The following HSP90AA1 variants were observed in gnomAD, a reference collection of about 807,000 sequenced individuals.
The protein encoded by HSP90AA1 is heat shock protein 90 alpha family class A member 1.
Under a neutral mutation model 73.3 loss-of-function variants are expected in HSP90AA1, and 18 were observed. That is an observed-to-expected ratio of 0.25 (90% confidence interval 0.17 to 0.36). HSP90AA1 has a LOEUF of 0.36. Among genes scored for constraint, HSP90AA1 ranks in the 10% least tolerant of loss-of-function variants. HSP90AA1 has a pLI of 1.00. For missense variants in HSP90AA1, 704 were observed against 874.2 expected, an observed-to-expected ratio of 0.81 and a Z score of 2.45; for synonymous variants, 477 against 296.9, an observed-to-expected ratio of 1.61 and a Z score of -6.24.
chr14:102,104,925 G>T (rs189239485), intron 1 of HSP90AA1, among the ~76,000 whole-genome samples: 1 of 151,364 alleles, frequency 6.6e-6, no homozygotes, highest in Non-Finnish European at 1.5e-5. Flanking sequence ...TTGGCTTGGC[G>T]CAGTGGCTCA....
intron 9 of HSP90AA1, 125 bp downstream of exon 9, chr14:102,082,909 G>GCGC: frequency 9.9e-7 from 1 of 1,010,864 alleles, no homozygotes; most frequent in South Asian, 1.3e-5. Context: ...GTGAGCCACC[G>GCGC]CGCCCAGCCA....
At chr14:102,089,912 C>T (rs2049331080), upstream of HSP90AA1, among the ~76,000 whole-genome samples, 1 of 152,226 alleles carries the variant, frequency 6.6e-6, no homozygotes, top group Non-Finnish European at 1.5e-5. Context: ...CACCTAACTG[C>T]TCCCTGCATA....
chr14:102,112,367 G>A lies in HSP90AA1; in HGVS notation c.156-10282C>T, dbSNP rs2152622101. Among the ~76,000 whole-genome samples, 2 of 152,148 alleles carry A rather than the reference G, an allele frequency of 1.3e-5. 1 individual carries two copies. Among genetic ancestry groups the A allele is most frequent in the African/African-American group, 4.8e-5 (2 of 41,508 alleles). Reference sequence around the variant, plus strand: ...TTTGTTGTATTTTTAGTAGAGATGGGGTTTCACCATGTTGACCAGGATGGT... The same window carrying A: ...TTTGTTGTATTTTTAGTAGAGATGGAGTTTCACCATGTTGACCAGGATGGT... On this transcript the variant is annotated intron_variant, in intron 1 of 11. Coordinates refer to the HSP90AA1 transcript ENST00000334701.
chr14:102,137,292 A>T (rs1404471397), intron 1 of HSP90AA1, among the ~76,000 whole-genome samples: 2 of 151,838 alleles, frequency 1.3e-5, no homozygotes, highest in Admixed American at 6.6e-5. Flanking sequence ...AATCAGAAAT[A>T]AAATTAGGTC....
chr14:102,086,854 C>G (rs1354832546), intron 1 of HSP90AA1, 132 bp downstream of exon 1: 3 of 411,746 alleles, frequency 7.3e-6, no homozygotes, highest in Non-Finnish European at 9.8e-6. Flanking sequence ...GAATAGAAAG[C>G]GCGGCCGCCC....
chr14:102,082,153 T>C lies in HSP90AA1; in HGVS notation c.2047A>G (p.Thr683Ala). ...ATCCTGTAGATCCTGTTAGCATGTG[T>C]CTGGGGATCTTCCAGACTGAAGCCA... ...SSGFSLEDPQ[T>A]HANRIYRMIK... is the part of the protein sequence containing the mutation. Residue 683 changes from threonine to alanine, a missense_variant, in exon 10 of 11, where the codon ACA becomes GCA. Coordinates refer to ENST00000216281, the MANE Select transcript of HSP90AA1 (RefSeq NM_005348.4). 1 of 1,613,892 alleles carries C rather than the reference T, an allele frequency of 6.2e-7. No individual in the cohort carries two copies. Among genetic ancestry groups the C allele is most frequent in the Non-Finnish European group, 8.5e-7 (1 of 1,179,776 alleles).
upstream of HSP90AA1, chr14:102,087,309 C>T: frequency 2.9e-6 from 1 of 343,656 alleles, no homozygotes; most frequent in Non-Finnish European, 4.1e-6. Flanking sequence ...CCTCAATGCG[C>T]CTGCGCGGCC....
intron 1 of HSP90AA1, among the ~76,000 whole-genome samples, chr14:102,120,085 T>C (rs1278946065): frequency 7.2e-5 from 11 of 152,150 alleles, no homozygotes; most frequent in Admixed American, 7.2e-4. Flanking sequence ...GAATACAGAC[T>C]GGGTGTGGTG....
At chr14:102,135,409 AAAC>A (rs2049976657) in intron 1 of HSP90AA1, among the ~76,000 whole-genome samples, 1 of 152,268 alleles carries the variant, frequency 6.6e-6, no homozygotes, top group Non-Finnish European at 1.5e-5. Context: ...ACCTTGAGCT[AAAC>A]ACAGGGTGCT....
intron 2 of HSP90AA1, among the ~76,000 whole-genome samples, chr14:102,099,190 C>T (rs1394791647): frequency 6.6e-6 from 1 of 152,224 alleles, no homozygotes; most frequent in Non-Finnish European, 1.5e-5. Flanking sequence ...TGTATTATTC[C>T]AAGCAGCACT....
chr14:102,113,609 G>C (rs1187515777), intron 1 of HSP90AA1, among the ~76,000 whole-genome samples: 2 of 151,922 alleles, frequency 1.3e-5, no homozygotes, highest in African/African-American at 4.8e-5. Flanking sequence ...TGGAACTCCT[G>C]ACCTCAAGTG....
In HSP90AA1 at chr14:102,081,718, TA is replaced by T; in HGVS notation, c.2192del (p.Val731GlufsTer48). The T allele has an allele frequency of 7.0e-7, 1 of 1,424,500 alleles. No individual in the cohort carries two copies. Among genetic ancestry groups the T allele is most frequent in the Non-Finnish European group, 9.9e-7 (1 of 1,006,808 alleles). 88.2% of individuals were successfully genotyped at this position (1,424,500 alleles called of 1,614,324 possible). A position where few individuals can be genotyped will look rare whatever the true frequency, so the allele number is the denominator to read the frequency against. Reference sequence around the variant, plus strand: ...GTCATCCCTCAGCCAGAGATTAGTCTACTTCTTCCATGCGTGATGTGTCGTC... The same window carrying T: ...GTCATCCCTCAGCCAGAGATTAGTCTCTTCTTCCATGCGTGATGTGTCGTC... ...GDDDTSRMEE[V>X]D On this transcript the variant is annotated frameshift_variant, in exon 11 of 11. Transcript: ENST00000216281. LOFTEE classifies it high-confidence loss of function.
chr14:102,084,741 C>G lies in HSP90AA1; in HGVS notation c.921G>C (p.Glu307Asp), dbSNP rs144736763. 1.2e-6 allele frequency: 2 copies of G among 1,614,162 alleles called. No individual in the cohort carries two copies. The highest frequency in any genetic ancestry group is 1.7e-6 in the Non-Finnish European group (2 of 1,180,036). ...WTRNPDDITN[E>D]EYGEFYKSLT... is the part of the protein sequence containing the mutation. ...AGCTCTTATAGAATTCTCCGTACTC[C>G]TCATTAGTAATATCGTCGGGATTTC... is the stretch of plus-strand genomic sequence containing the variant. The change falls in exon 5 of 11, where the codon GAG becomes GAC. Residue 307 changes from glutamate to aspartate, a missense_variant. By Grantham distance (45) the Glu-to-Asp change is conservative (BLOSUM62 2). Transcript: ENST00000216281.
chr14:102,139,609 G>A, exon 1 of HSP90AA1: 3 of 665,222 alleles, frequency 4.5e-6, no homozygotes, highest in Non-Finnish European at 7.5e-6. Flanking sequence ...CCTGGCGGCT[G>A]CGGAACGGTC....
At chr14:102,086,739 G>A (rs1423060330) in intron 1 of HSP90AA1, among the ~76,000 whole-genome samples, 1 of 151,274 alleles carries the variant, frequency 6.6e-6, no homozygotes, top group African/African-American at 2.4e-5. Flanking sequence ...CTCTGTTCGC[G>A]TGCGGCGCCA....
intron 2 of HSP90AA1, among the ~76,000 whole-genome samples, chr14:102,093,091 T>C (rs986417426): frequency 1.3e-5 from 2 of 151,972 alleles, no homozygotes; most frequent in African/African-American, 4.8e-5. Context: ...TTGTAGAAAG[T>C]TGAAGAAATG....
At chr14:102,121,026 C>T (rs4900533) in intron 1 of HSP90AA1, among the ~76,000 whole-genome samples, 98,989 of 143,468 alleles carry the variant, frequency 0.69, 37,082 homozygotes, top group East Asian at 0.9. Flanking sequence ...CACACATACA[C>T]ACACACACAC....
At chr14:102,123,861 T>G (rs2049809249) in intron 1 of HSP90AA1, among the ~76,000 whole-genome samples, 1 of 151,876 alleles carries the variant, frequency 6.6e-6, no homozygotes, top group African/African-American at 2.4e-5. Flanking sequence ...AGTGCAGGGG[T>G]GTAAACATGG....
chr14:102,136,392 C>T (rs916252280), intron 1 of HSP90AA1, among the ~76,000 whole-genome samples: 5 of 146,896 alleles, frequency 3.4e-5, no homozygotes, highest in Non-Finnish European at 7.5e-5. Context: ...CATGGCGAAA[C>T]CCCGTCTCTG....
Sources: allele counts gnomAD v4.1 joint callset (sites outside exome capture counted in the v4.1 genomes callset), GRCh38; gene constraint gnomAD v4.1.1; transcripts MANE v1.5; gene names NCBI Gene and HGNC (gene_info 2026-07-23, HGNC 2026-07-21).